Variants in HIPK1 observed in about 807,000 individuals in gnomAD.
HIPK1 encodes homeodomain-interacting protein kinase 1.
HIPK1 carries 28 observed loss-of-function variants against 117.1 expected under a neutral mutation model. The ratio of observed to expected loss-of-function variants is 0.24; its 90% CI spans 0.18 to 0.33. The LOEUF (loss-of-function observed/expected upper bound fraction) is 0.33, where lower values mean the gene tolerates loss of function less well. Among genes scored for constraint, HIPK1 ranks in the 10% least tolerant of loss-of-function variants. The pLI, the probability that HIPK1 is intolerant of heterozygous loss-of-function variation, is 1.00. For synonymous variants in HIPK1, 605 were observed against 562.5 expected (o/e 1.08, Z -1.07); for missense variants, 1,122 against 1,475.1 (o/e 0.76, Z 3.92).
At position 113,974,948 on chromosome 1, in the gene HIPK1, C is replaced by T. The variant is rs1004525670; in HGVS notation, c.*1436C>T. The T allele has an allele frequency of 3.3e-5, 5 of 152,848 alleles. No individual in the cohort carries two copies. 9.5% of individuals were successfully genotyped at this position (152,848 alleles called of 1,614,324 possible). Reference sequence around the variant, plus strand: ...TCCATTGTATTTAAACCAAAATGAACTGATACTTGTTGGAATGTATGTGAA... The same window carrying T: ...TCCATTGTATTTAAACCAAAATGAATTGATACTTGTTGGAATGTATGTGAA... On this transcript the variant is annotated 3_prime_UTR_variant, in exon 16 of 16. Transcript: ENST00000426820.
intron 10 of HIPK1, among the ~76,000 whole-genome samples, chr1:113,965,205 CAG>C (rs956154864): frequency 9.9e-5 from 15 of 152,026 alleles, no homozygotes; most frequent in African/African-American, 3.6e-4. Flanking sequence ...ATTCAAGAAA[CAG>C]AACCATATGT....
rs548959427 is a variant in HIPK1 at position 113,963,494 on chromosome 1, G to T, written c.2211G>T (p.Ala737=). Residue 737 remains alanine, a synonymous_variant, in exon 10 of 16, where the codon GCG becomes GCT. Coordinates refer to ENST00000426820, the MANE Select transcript of HIPK1 (RefSeq NM_198268.3). ...TGAGCTGCGCAGCCGGCCGGCCGGC[G>T]CTGGTTGAACAGACTGCCGCTGTAC... ...FTLSCAAGRP[A]LVEQTAAVLQ... is the part of the protein sequence containing the mutation. 1 of 1,614,026 alleles carries T rather than the reference G, an allele frequency of 6.2e-7. No homozygotes were observed. Among genetic ancestry groups the T allele is most frequent in the African/African-American group, 1.3e-5 (1 of 74,938 alleles).
Position 113,970,175 on chromosome 1 carries a change from C to T in HIPK1, c.2991C>T (p.Cys997=). The change falls in exon 14 of 16, where the codon TGC becomes TGT. Residue 997 remains cysteine, a synonymous_variant. Coordinates refer to ENST00000426820, the MANE Select transcript of HIPK1 (RefSeq NM_198268.3). The part of the protein sequence containing the change: ...VPPLKTQLGD[C]TVATQASGLL... ...CACTGAAAACTCAGCTTGGTGACTGCACTGTAGCAACCCAGGCCTCAGGTC... is the reference window on the plus strand; with the variant it reads ...CACTGAAAACTCAGCTTGGTGACTGTACTGTAGCAACCCAGGCCTCAGGTC... 2 of 1,614,142 alleles carry T rather than the reference C, an allele frequency of 1.2e-6. No homozygotes were observed. The highest frequency in any genetic ancestry group is 1.7e-6 in the Non-Finnish European group (2 of 1,180,008).
chr1:113,972,914 T>C (rs547909302), intron 15 of HIPK1, 110 bp from the exon 16 acceptor site: 5 of 1,207,512 alleles, frequency 4.1e-6, no homozygotes, highest in Non-Finnish European at 5.7e-6. Context: ...GATTATGTGC[T>C]ATACCCATTC....
intron 8 of HIPK1, among the ~76,000 whole-genome samples, chr1:113,958,620 T>C (rs781413222): frequency 1.6e-4 from 24 of 152,192 alleles, no homozygotes; most frequent in Non-Finnish European, 3.5e-4. Context: ...TCTATACAAC[T>C]TGAAAAAATT....
chr1:113,969,017 C>G (rs1024879522), intron 13 of HIPK1, among the ~76,000 whole-genome samples: 1 of 152,068 alleles, frequency 6.6e-6, no homozygotes, highest in Non-Finnish European at 1.5e-5. Flanking sequence ...AAGACTGCAT[C>G]CCCTCCCGCC....
Position 113,962,370 on chromosome 1 carries a change from G to A in HIPK1, c.2035G>A (p.Ala679Thr), listed in dbSNP as rs1288928015. ...TGGATTCCCTGTGAGGATGGATAAT[G>A]CTGTACCGATTGTACCCCAGGCACC... is the stretch of plus-strand genomic sequence containing the variant. ...HSGFPVRMDN[A>T]VPIVPQAPAA... is the part of the protein sequence containing the mutation. The change falls in exon 9 of 16, where the codon GCT becomes ACT. Residue 679 changes from alanine to threonine, a missense_variant. Physicochemically the swap from Ala to Thr is moderately conservative, Grantham distance 58. This residue lies in a region of HIPK1 where 731 missense variants were observed against 860.4 expected (regional missense o/e 0.85). Transcript: ENST00000426820. 5 of 1,613,830 alleles carry A rather than the reference G, an allele frequency of 3.1e-6. No individual in the cohort carries two copies.
intron 1 of HIPK1, among the ~76,000 whole-genome samples, chr1:113,932,937 G>T (rs536257228): frequency 4.6e-5 from 7 of 152,024 alleles, no homozygotes; most frequent in Admixed American, 4.6e-4. Flanking sequence ...TTTTCCTTCA[G>T]CCTTTGCTGG....
At chr1:113,953,008 A>G in intron 3 of HIPK1, 119 bp downstream of exon 3, 8 of 896,904 alleles carry the variant, frequency 8.9e-6, no homozygotes, top group Middle Eastern at 5.7e-4. Context: ...AGAGTAGTCC[A>G]ATTGCTACTA....
chr1:113,944,292 T>C (rs1670847527), intron 2 of HIPK1, among the ~76,000 whole-genome samples: 1 of 144,830 alleles, frequency 6.9e-6, no homozygotes, highest in East Asian at 2.1e-4. Context: ...GCCTCCCGAG[T>C]AGCTGGGATT....
chr1:113,973,221 T>C lies in HIPK1; in HGVS notation c.3342T>C (p.Tyr1114=), dbSNP rs781512287. The part of the protein sequence containing the change: ...HLPSQAHLYT[Y]AAPTSAAALG... ...CAAGCCAGGCTCATCTGTATACGTA[T>C]GCTGCCCCGACTTCTGCTGCTGCAC... The change falls in exon 16 of 16, where the codon TAT becomes TAC. Residue 1114 remains tyrosine, a synonymous_variant. Transcript: ENST00000426820. 1 of 1,614,020 alleles carries C rather than the reference T, an allele frequency of 6.2e-7. No homozygotes were observed. The highest frequency in any genetic ancestry group is 1.1e-5 in the South Asian group (1 of 91,068).
chr1:113,967,874 C>T lies in HIPK1; in HGVS notation c.2490C>T (p.Ala830=). The T allele has an allele frequency of 6.2e-7, 1 of 1,611,416 alleles. No homozygotes were observed. Among genetic ancestry groups the T allele is most frequent in the Non-Finnish European group, 8.5e-7 (1 of 1,179,432 alleles). ...CTCAGCCTCTGAATGTTGGTGTTGC[C>T]CATGTTGTCAGACAACAACAATCCA... ...ATAQPLNVGV[A]HVVRQQQSSS... is the part of the protein sequence containing the mutation. Residue 830 remains alanine (A), a synonymous_variant, in exon 12 of 16, where the codon GCC becomes GCT. Transcript: ENST00000426820.
At position 113,973,263 on chromosome 1, in the gene HIPK1, C is replaced by T; in HGVS notation, c.3384C>T (p.Ser1128=). The T allele has an allele frequency of 6.2e-7, 1 of 1,614,194 alleles. No homozygotes were observed. Among genetic ancestry groups the T allele is most frequent in the African/African-American group, 1.3e-5 (1 of 75,042 alleles). ...CTGCTGCACTGGGCTCAACCAGCTC[C>T]ATTGCTCATCTTTTCTCCCCACAGG... ...TSAAALGSTS[S]IAHLFSPQGS... is the part of the protein sequence containing the mutation. Residue 1128 remains serine, a synonymous_variant, in exon 16 of 16, where the codon TCC becomes TCT. Coordinates refer to ENST00000426820, the MANE Select transcript of HIPK1 (RefSeq NM_198268.3).
intron 2 of HIPK1, among the ~76,000 whole-genome samples, chr1:113,942,207 C>T (rs1430557713): frequency 6.6e-6 from 1 of 151,998 alleles, no homozygotes; most frequent in Non-Finnish European, 1.5e-5. Flanking sequence ...ACTACAGGCA[C>T]CTGCTACCAC....
At chr1:113,940,289 C>T in intron 1 of HIPK1, 93 bp from the exon 2 acceptor site, 2 of 1,133,346 alleles carry the variant, frequency 1.8e-6, no homozygotes, top group Non-Finnish European at 2.5e-6. Flanking sequence ...TTTCTTTTAT[C>T]AAGTAAAAGT....
intron 4 of HIPK1, 39 bp downstream of exon 4, chr1:113,954,809 A>G: frequency 6.5e-7 from 1 of 1,549,232 alleles, no homozygotes; most frequent in South Asian, 1.2e-5. Flanking sequence ...CCTGTACTCC[A>G]CCCCTCACTC....
chr1:113,929,948 G>A (rs1346250364), intron 1 of HIPK1: 5 of 985,354 alleles, frequency 5.1e-6, no homozygotes, highest in Non-Finnish European at 6.0e-6. Flanking sequence ...CGGTGAGTGG[G>A]GACGGGCAGG....
intron 1 of HIPK1, chr1:113,930,864 GTCTTT>G (rs1226280998): frequency 2.6e-5 from 4 of 152,234 alleles, no homozygotes; most frequent in Non-Finnish European, 4.4e-5. Flanking sequence ...GCTCCAGTAA[GTCTTT>G]TCTTTACTTA....
At chr1:113,954,614 C>T in intron 3 of HIPK1, 37 bp from the exon 4 acceptor site, 2 of 1,607,774 alleles carry the variant, frequency 1.2e-6, no homozygotes, top group Non-Finnish European at 1.7e-6. Flanking sequence ...TTTCCCTTTT[C>T]ACTCCAAATA....
Sources: gnomAD v4.1 joint callset for allele counts (sites outside exome capture counted in the v4.1 genomes callset) on GRCh38, gnomAD v4.1.1 for gene constraint, gnomAD v4.1.1 regional missense constraint, MANE v1.5 for transcripts, NCBI Gene and HGNC (gene_info 2026-07-23, HGNC 2026-07-21) for gene names.